Variants in ELMO1 observed in about 807,000 individuals in gnomAD.
The protein encoded by ELMO1 is engulfment and cell motility 1, also known as engulfment and cell motility protein 1.
A neutral mutation model predicts 98.9 loss-of-function variants in ELMO1; 26 were observed. That is an observed-to-expected ratio of 0.26 (90% CI 0.19 to 0.36). ELMO1 has a LOEUF of 0.36. Ranked by LOEUF, ELMO1 falls within the 10% of genes least tolerant of loss-of-function variation. ELMO1 has a pLI of 1.00. For missense variants in ELMO1, 627 were observed against 935.2 expected, an observed-to-expected ratio of 0.67 and a Z score of 4.30; for synonymous variants, 346 against 346.0, an observed-to-expected ratio of 1.00 and a Z score of 0.00.
At chr7:37,247,508 A>C (rs1076475) in intron 6 of ELMO1, among the ~76,000 whole-genome samples, 6,882 of 152,278 alleles carry the variant, frequency 0.045, 369 homozygotes, top group African/African-American at 0.12. Context: ...GACTTAGTTG[A>C]GTGTGACAAG....
intron 15 of ELMO1, among the ~76,000 whole-genome samples, chr7:37,060,859 T>C (rs1796631615): frequency 6.7e-6 from 1 of 150,022 alleles, no homozygotes; most frequent in African/African-American, 2.5e-5. Flanking sequence ...AATTTGGTGA[T>C]GGGCTAGGGA....
At chr7:37,118,579 A>G (rs1012811721) in intron 14 of ELMO1, among the ~76,000 whole-genome samples, 11 of 152,264 alleles carry the variant, frequency 7.2e-5, no homozygotes, top group African/African-American at 2.7e-4. Flanking sequence ...CTGTACATCA[A>G]TCAAGTACTA....
intron 6 of ELMO1, among the ~76,000 whole-genome samples, chr7:37,247,128 T>TC (rs1300160780): frequency 6.6e-6 from 1 of 152,200 alleles, no homozygotes; most frequent in African/African-American, 2.4e-5. Context: ...GAGGGAAACC[T>TC]CTAAATTAAA....
intron 7 of ELMO1, among the ~76,000 whole-genome samples, chr7:37,237,579 C>CCCAATACAGA (rs1427638151): frequency 6.6e-6 from 1 of 152,148 alleles, no homozygotes; most frequent in African/African-American, 2.4e-5. Flanking sequence ...CGTGAACCAC[C>CCCAATACAGA]ATGCCCGGCC....
chr7:37,313,856 C>T (rs1799014593), intron 4 of ELMO1, among the ~76,000 whole-genome samples: 1 of 152,162 alleles, frequency 6.6e-6, no homozygotes, highest in South Asian at 2.1e-4. Context: ...ACCCGATTCT[C>T]CCTCCTTCAA....
intron 15 of ELMO1, among the ~76,000 whole-genome samples, chr7:37,076,545 GT>G (rs1274687341): frequency 6.6e-6 from 1 of 152,158 alleles, no homozygotes; most frequent in Non-Finnish European, 1.5e-5. Context: ...GTTTAAATTT[GT>G]TTCCTTATCA....
At chr7:37,121,115 C>T (rs1009329346) in intron 14 of ELMO1, among the ~76,000 whole-genome samples, 12 of 152,062 alleles carry the variant, frequency 7.9e-5, no homozygotes, top group Non-Finnish European at 1.5e-4. Flanking sequence ...CACACCAAAA[C>T]CCCATCTGCA....
At chr7:37,219,747 T>C (rs1391677324) in intron 10 of ELMO1, among the ~76,000 whole-genome samples, 2 of 152,218 alleles carry the variant, frequency 1.3e-5, no homozygotes, top group Non-Finnish European at 2.9e-5. Context: ...TCAAGTTCTT[T>C]ACTCCCTTTG....
At chr7:37,173,583 G>A (rs1790316763) in intron 13 of ELMO1, among the ~76,000 whole-genome samples, 1 of 152,206 alleles carries the variant, frequency 6.6e-6, no homozygotes, top group Non-Finnish European at 1.5e-5. Flanking sequence ...TGAGCCTAAA[G>A]GGGTTTCAGC....
chr7:36,899,184 G>A (rs566754352), intron 16 of ELMO1, among the ~76,000 whole-genome samples: 14 of 152,308 alleles, frequency 9.2e-5, no homozygotes, highest in Non-Finnish European at 1.8e-4. Flanking sequence ...GATGGGGGAT[G>A]GCTTTGATGG....
chr7:37,024,044 T>A (rs1195320320), intron 15 of ELMO1, among the ~76,000 whole-genome samples: 1 of 152,158 alleles, frequency 6.6e-6, no homozygotes, highest in African/African-American at 2.4e-5. Context: ...CTCCCTTCCT[T>A]CATCCATTTA....
intron 14 of ELMO1, among the ~76,000 whole-genome samples, chr7:37,125,145 T>C (rs1229648549): frequency 2.0e-5 from 3 of 152,108 alleles, no homozygotes; most frequent in Non-Finnish European, 2.9e-5. Context: ...TCAAGATGGA[T>C]TAAAGACTTA....
chr7:36,931,210 C>G (rs1365895000), intron 16 of ELMO1, among the ~76,000 whole-genome samples: 1 of 152,206 alleles, frequency 6.6e-6, no homozygotes, highest in African/African-American at 2.4e-5. Context: ...GTCAATCTCC[C>G]AGGACCAGTA....
chr7:37,305,709 T>C (rs945596693), intron 4 of ELMO1, among the ~76,000 whole-genome samples: 1 of 152,214 alleles, frequency 6.6e-6, no homozygotes, highest in Non-Finnish European at 1.5e-5. Context: ...AAGAAAACTA[T>C]GTAACATAAA....
rs1202841810 is a variant in ELMO1 at position 37,292,709 on chromosome 7, C to T, written c.193-20827G>A. Among the ~76,000 whole-genome samples, 14 of 57,708 alleles carry T rather than the reference C, an allele frequency of 2.4e-4. 1 individual carries two copies. The highest frequency in any genetic ancestry group is 5.4e-4 in the Admixed American group (3 of 5,576). The allele number at this position is 57,708 out of a possible 152,430, so 37.9% of individuals were successfully genotyped here. Reference sequence around the variant, plus strand: ...CTGGGAAGTGAGGAGCGTCTCCGCCCGGCAGCCGCCCCGTCCGGGAGGGAG... The same window carrying T: ...CTGGGAAGTGAGGAGCGTCTCCGCCTGGCAGCCGCCCCGTCCGGGAGGGAG... On this transcript the variant is annotated intron_variant, in intron 4 of 21. Transcript: ENST00000310758.
chr7:37,298,289 T>G (rs1255919703), intron 4 of ELMO1, among the ~76,000 whole-genome samples: 1 of 99,056 alleles, frequency 1.0e-5, no homozygotes, highest in East Asian at 2.8e-4. Flanking sequence ...TTTTTTTTGT[T>G]TTTTTTTTTT....
At chr7:37,091,811 T>C (rs1442703154) in intron 15 of ELMO1, among the ~76,000 whole-genome samples, 1 of 152,178 alleles carries the variant, frequency 6.6e-6, no homozygotes, top group African/African-American at 2.4e-5. Flanking sequence ...AAGTCTTACA[T>C]GGCGGCAGGC....
intron 15 of ELMO1, among the ~76,000 whole-genome samples, chr7:37,032,164 T>C (rs1794920299): frequency 6.6e-6 from 1 of 152,274 alleles, no homozygotes; most frequent in East Asian, 1.9e-4. Flanking sequence ...TCAGAAGAGA[T>C]GACTCACAGT....
At chr7:37,447,973 G>T (rs1805712698) in intron 1 of ELMO1, among the ~76,000 whole-genome samples, 1 of 151,526 alleles carries the variant, frequency 6.6e-6, no homozygotes. Flanking sequence ...TTTCCACGAA[G>T]CTCCACAAAG....
Sources: allele counts gnomAD v4.1 joint callset (sites outside exome capture counted in the v4.1 genomes callset), GRCh38; gene constraint gnomAD v4.1.1; transcripts MANE v1.5; gene names NCBI Gene and HGNC (gene_info 2026-07-23, HGNC 2026-07-21).